The following SLC16A7 variants were observed in gnomAD, a reference collection of about 807,000 sequenced individuals.
SLC16A7 encodes monocarboxylate transporter 2.
Under a neutral mutation model 34.9 loss-of-function variants are expected in SLC16A7, and 33 were observed. That is an observed-to-expected ratio of 0.94 (90% confidence interval 0.72 to 1.26). The LOEUF (loss-of-function observed/expected upper bound fraction) is 1.26, where lower values mean the gene tolerates loss of function less well. Among genes scored for constraint, SLC16A7 ranks in the 50% most tolerant of loss-of-function variants. SLC16A7 has a pLI of 0.00. For missense variants in SLC16A7, 573 were observed against 578.1 expected (o/e 0.99, Z 0.09); for synonymous variants, 201 against 206.6 (o/e 0.97, Z 0.23).
At chr12:59,771,454 T>G in intron 4 of SLC16A7, 92 bp downstream of exon 4, 2 of 917,268 alleles carry the variant, frequency 2.2e-6, no homozygotes, top group Non-Finnish European at 3.1e-6. Flanking sequence ...CTTATTTTCT[T>G]TGAATTTATT....
At chr12:59,744,018 G>T (rs2711663) in intron 3 of SLC16A7, among the ~76,000 whole-genome samples, 1 of 152,028 alleles carries the variant, frequency 6.6e-6, no homozygotes, top group South Asian at 2.1e-4. Flanking sequence ...TTATTATTAG[G>T]ATGTTTTCTA....
At chr12:59,705,161 C>T (rs764734325) in intron 3 of SLC16A7, 143 bp downstream of exon 3, 2 of 601,942 alleles carry the variant, frequency 3.3e-6, no homozygotes, top group Non-Finnish European at 5.8e-6. Context: ...ATAATTAGAA[C>T]TGAAATTTCA....
intron 2 of SLC16A7, among the ~76,000 whole-genome samples, chr12:59,681,274 A>C (rs1870727475): frequency 6.6e-6 from 1 of 152,308 alleles, no homozygotes; most frequent in South Asian, 2.1e-4. Context: ...CATGTCATCC[A>C]TCTTGTTTAT....
intron 3 of SLC16A7, among the ~76,000 whole-genome samples, chr12:59,738,860 A>G (rs1423296373): frequency 3.3e-5 from 5 of 151,102 alleles, no homozygotes; most frequent in Admixed American, 1.3e-4. Flanking sequence ...CATTTTTATT[A>G]AGGTCTTCAT....
intron 2 of SLC16A7, among the ~76,000 whole-genome samples, chr12:59,669,401 G>A (rs1297820248): frequency 6.6e-6 from 1 of 152,018 alleles, no homozygotes; most frequent in African/African-American, 2.4e-5. Context: ...TTTGTTTTTA[G>A]TAGACTCTTC....
chr12:59,755,631 T>G (rs1880224029), intron 3 of SLC16A7, among the ~76,000 whole-genome samples: 1 of 152,106 alleles, frequency 6.6e-6, no homozygotes, highest in African/African-American at 2.4e-5. Flanking sequence ...GGAAGAACAT[T>G]CCATGCTCAT....
intron 1 of SLC16A7, among the ~76,000 whole-genome samples, chr12:59,653,239 G>T (rs758670717): frequency 2.6e-5 from 4 of 151,594 alleles, no homozygotes; most frequent in African/African-American, 4.8e-5. Context: ...GTTGTTAAAA[G>T]AAATTTTTAG....
At chr12:59,757,273 A>AAAATT (rs1880482024) in intron 3 of SLC16A7, among the ~76,000 whole-genome samples, 1 of 151,846 alleles carries the variant, frequency 6.6e-6, no homozygotes, top group South Asian at 2.1e-4. Flanking sequence ...AAAATAAAAT[A>AAAATT]AAATAAAAAA....
chr12:59,774,863 G>A lies in SLC16A7; in HGVS notation c.568G>A (p.Val190Met), dbSNP rs1882584531. The A allele has an allele frequency of 3.1e-6, 5 of 1,613,940 alleles. No homozygotes were observed. Among genetic ancestry groups the A allele is most frequent in the Non-Finnish European group, 4.2e-6 (5 of 1,179,948 alleles). Reference sequence around the variant, plus strand: ...GGGAAGTCTACTTTTGAATGCCTGTGTGGCTGGTTCCCTCATGAGACCCCT... The same window carrying A: ...GGGAAGTCTACTTTTGAATGCCTGTATGGCTGGTTCCCTCATGAGACCCCT... ...ILGSLLLNAC[V>M]AGSLMRPLGP... Residue 190 changes from valine to methionine, a missense_variant, in exon 5 of 6, where the codon GTG becomes ATG. Coordinates refer to ENST00000547379, the MANE Select transcript of SLC16A7 (RefSeq NM_001270623.2).
intron 1 of SLC16A7, among the ~76,000 whole-genome samples, chr12:59,631,755 T>C (rs1263838359): frequency 6.6e-6 from 1 of 151,978 alleles, no homozygotes; most frequent in Non-Finnish European, 1.5e-5. Flanking sequence ...CAGCTCCCAC[T>C]TGTAAGTGAG....
chr12:59,758,686 A>T (rs559525175), intron 3 of SLC16A7, among the ~76,000 whole-genome samples: 18 of 152,242 alleles, frequency 1.2e-4, no homozygotes, highest in African/African-American at 4.3e-4. Context: ...ACTGTCTCAT[A>T]TGATTGGCAT....
At chr12:59,762,846 A>T (rs1416189384) in intron 3 of SLC16A7, among the ~76,000 whole-genome samples, 1 of 151,920 alleles carries the variant, frequency 6.6e-6, no homozygotes, top group Non-Finnish European at 1.5e-5. Flanking sequence ...TCTGATGCTC[A>T]GTATCAATCA....
chr12:59,717,457 A>G (rs963400990), intron 3 of SLC16A7, among the ~76,000 whole-genome samples: 2 of 152,232 alleles, frequency 1.3e-5, no homozygotes, highest in East Asian at 3.8e-4. Context: ...GATAAAATGA[A>G]CTGTAAGTCC....
chr12:59,669,253 A>G (rs1255173258), intron 2 of SLC16A7, among the ~76,000 whole-genome samples: 1 of 152,220 alleles, frequency 6.6e-6, no homozygotes, highest in Non-Finnish European at 1.5e-5. Context: ...AATCATATTC[A>G]TTTCAAGGTT....
At chr12:59,740,347 A>G (rs1335306199) in intron 3 of SLC16A7, among the ~76,000 whole-genome samples, 1 of 152,114 alleles carries the variant, frequency 6.6e-6, no homozygotes, top group Non-Finnish European at 1.5e-5. Flanking sequence ...CCAAGATCAG[A>G]TAGTTGTAGA....
At chr12:59,644,735 T>A (rs767838831) in intron 1 of SLC16A7, among the ~76,000 whole-genome samples, 2 of 152,168 alleles carry the variant, frequency 1.3e-5, no homozygotes. Flanking sequence ...CACCAACAAA[T>A]GTGTGTTGTA....
chr12:59,724,045 TGTATA>T (rs1420802561), intron 3 of SLC16A7, among the ~76,000 whole-genome samples: 1 of 152,044 alleles, frequency 6.6e-6, no homozygotes, highest in Non-Finnish European at 1.5e-5. Context: ...GATTGATATA[TGTATA>T]GTATATGATT....
chr12:59,747,077 C>T (rs1009571220), intron 3 of SLC16A7, among the ~76,000 whole-genome samples: 3 of 152,196 alleles, frequency 2.0e-5, no homozygotes, highest in Non-Finnish European at 4.4e-5. Flanking sequence ...AGAGATCCTC[C>T]TGCCTCAGAC....
At chr12:59,631,596 A>G (rs1419152662) in intron 1 of SLC16A7, among the ~76,000 whole-genome samples, 3 of 151,994 alleles carry the variant, frequency 2.0e-5, no homozygotes, top group East Asian at 3.9e-4. Context: ...AATTTGTTAC[A>G]TAGGTAAACA....
Sources: gnomAD v4.1 joint callset for allele counts (sites outside exome capture counted in the v4.1 genomes callset) on GRCh38, gnomAD v4.1.1 for gene constraint, MANE v1.5 for transcripts, NCBI Gene and HGNC (gene_info 2026-07-23, HGNC 2026-07-21) for gene names.